EP400: variants seen among roughly 807,000 people sequenced by gnomAD.
EP400 encodes E1A binding protein p400, also known as E1A-binding protein p400.
A neutral mutation model predicts 354.1 loss-of-function variants in EP400; 105 were observed. That is an observed-to-expected ratio of 0.30 (90% CI 0.25 to 0.35). The LOEUF (loss-of-function observed/expected upper bound fraction) is 0.35. EP400 is among the 10% of genes least tolerant of loss of function. The probability of loss-of-function intolerance (pLI) is 1.00; values close to 1 mark genes in which losing one functional copy is unlikely to be tolerated. For synonymous variants in EP400, 1,646 were observed against 1,716.9 expected, an observed-to-expected ratio of 0.96 and a Z score of 1.02; for missense variants, 3,280 against 4,121.0, an observed-to-expected ratio of 0.80 and a Z score of 5.59.
Position 132,018,189 on chromosome 12 carries a change from T to C in EP400, c.4111-21T>C. On this transcript the variant is annotated intron_variant, in intron 20 of 52. Coordinates refer to ENST00000389561, the MANE Select transcript of EP400 (RefSeq NM_015409.5). The surrounding 1 kb of genome is among the most constrained non-coding windows in gnomAD (Gnocchi z 4.0). ...TTTTTGCCTCTTCATGCAGCAAGAC[T>C]TTTTTTCTTTTTCTCTCTAGGAAGC... The C allele has an allele frequency of 6.2e-7, 1 of 1,605,086 alleles. No individual in the cohort carries two copies. The highest frequency in any genetic ancestry group is 8.5e-7 in the Non-Finnish European group (1 of 1,177,924).
chr12:131,977,061 A>G (rs751033905), intron 2 of EP400, among the ~76,000 whole-genome samples: 11 of 152,084 alleles, frequency 7.2e-5, no homozygotes, highest in Non-Finnish European at 1.6e-4. Flanking sequence ...TTCCTGTATC[A>G]CTGGCCTACC....
chr12:131,991,006 G>A (rs1486143859), intron 9 of EP400, among the ~76,000 whole-genome samples: 2 of 152,206 alleles, frequency 1.3e-5, no homozygotes, highest in African/African-American at 4.8e-5. Context: ...TGCCATGCAG[G>A]AGGATCCTTG....
Position 132,021,247 on chromosome 12 carries a change from C to T in EP400, c.4616C>T (p.Pro1539Leu), listed in dbSNP as rs927155720. Residue 1539 changes from proline (P) to leucine (L), a missense_variant, in exon 23 of 53, where the codon CCC becomes CTC. Coordinates refer to ENST00000389561, the MANE Select transcript of EP400 (RefSeq NM_015409.5). ...PGQPPPQPQA[P>L]SHAAGQSALP... ...CAGCCCCCGCCCCAGCCCCAGGCCC[C>T]CTCGCACGCGGCCGGGCAGAGCGCG... 11 of 1,549,634 alleles carry T rather than the reference C, an allele frequency of 7.1e-6. No individual in the cohort carries two copies. The Admixed American group carries it at 7.7e-5, about 11-fold the overall frequency.
intron 30 of EP400, among the ~76,000 whole-genome samples, chr12:132,033,067 C>T (rs911285198): frequency 6.6e-6 from 1 of 152,238 alleles, no homozygotes; most frequent in East Asian, 1.9e-4. Context: ...TCCGCCTCAG[C>T]CCCCCGAGGA....
rs1204473385 is a variant in EP400, at chr12:132,017,444, T to C, written c.3924-91T>C. On this transcript the variant is annotated intron_variant, in intron 19 of 52. Transcript: ENST00000389561. The surrounding 1 kb of genome is among the most constrained non-coding windows in gnomAD (Gnocchi z 5.0). The stretch of plus-strand genomic sequence containing the variant: ...CCTAGAAAATCTGCTCCTGCCTGCC[T>C]TTCTGGAGTTGGGACAGTCGATGGT... The C allele has an allele frequency of 7.0e-7, 1 of 1,423,852 alleles. No homozygotes were observed. Among genetic ancestry groups the C allele is most frequent in the Non-Finnish European group, 9.6e-7 (1 of 1,041,372 alleles). 88.2% of individuals were successfully genotyped at this position (1,423,852 alleles called of 1,614,324 possible).
Position 132,050,187 on chromosome 12 carries a change from A to G in EP400, c.7201-136A>G. On this transcript the variant is annotated intron_variant, in intron 39 of 52. Transcript: ENST00000389561. The surrounding 1 kb of genome is among the most constrained non-coding windows in gnomAD (Gnocchi z 4.8). ...TTGGGTTATGCCTGAACTTGGAAAG[A>G]AGGCCCAGGAAAAGGAAGTTTGTGT... The G allele has an allele frequency of 1.5e-5, 16 of 1,090,640 alleles. No homozygotes were observed. Among genetic ancestry groups the G allele is most frequent in the Non-Finnish European group, 2.1e-5 (16 of 764,566 alleles). The allele number at this position is 1,090,640 out of a possible 1,614,324, so 67.6% of individuals were successfully genotyped here.
chr12:131,990,166 T>G lies in EP400; in HGVS notation c.2550+62T>G. 1 of 1,544,082 alleles carries G rather than the reference T, an allele frequency of 6.5e-7. No individual in the cohort carries two copies. The highest frequency in any genetic ancestry group is 8.7e-7 in the Non-Finnish European group (1 of 1,150,144). On this transcript the variant is annotated intron_variant, in intron 8 of 52. Coordinates refer to ENST00000389561, the MANE Select transcript of EP400 (RefSeq NM_015409.5). This position sits in a 1 kb window ranked among gnomAD's most constrained non-coding sequence, Gnocchi z 4.2. Reference sequence around the variant, plus strand: ...GTCTGTCGGAGCTGGTGAGGCCACTTCCCGAGACCAGAGCTCGGGCACCTT... The same window carrying G: ...GTCTGTCGGAGCTGGTGAGGCCACTGCCCGAGACCAGAGCTCGGGCACCTT...
chr12:132,030,636 T>G (rs1019152841), intron 29 of EP400, among the ~76,000 whole-genome samples: 3 of 152,360 alleles, frequency 2.0e-5, no homozygotes, highest in Middle Eastern at 3.4e-3. Flanking sequence ...ATTTGAACCT[T>G]AATAGTGATG....
At chr12:132,053,069 G>A in intron 41 of EP400, 77 bp from the exon 42 acceptor site, 1 of 1,477,780 alleles carries the variant, frequency 6.8e-7, no homozygotes, top group Non-Finnish European at 9.5e-7. Context: ...CTGGCAGCAT[G>A]GTGTTTCTAG....
chr12:132,039,174 T>A (rs954380872), intron 32 of EP400, among the ~76,000 whole-genome samples: 1 of 152,172 alleles, frequency 6.6e-6, no homozygotes, highest in Non-Finnish European at 1.5e-5. Flanking sequence ...TAAACATTAC[T>A]CAGTTACTGA....
At chr12:132,006,966 T>C in intron 15 of EP400, 89 bp downstream of exon 15, 1 of 1,421,300 alleles carries the variant, frequency 7.0e-7, no homozygotes, top group Non-Finnish European at 9.7e-7. Flanking sequence ...GGGACTTGGC[T>C]ATCTTATCTA....
intron 19 of EP400, among the ~76,000 whole-genome samples, chr12:132,015,744 C>G (rs1893907141): frequency 6.6e-6 from 1 of 152,194 alleles, no homozygotes; most frequent in South Asian, 2.1e-4. Flanking sequence ...CTTTCCGGGC[C>G]TGTGAAATCA....
intron 34 of EP400, 132 bp from the exon 35 acceptor site, chr12:132,044,030 CTGCTGCTTGTGGGGG>C: frequency 8.5e-7 from 1 of 1,179,088 alleles, no homozygotes; most frequent in Non-Finnish European, 1.2e-6. Flanking sequence ...TTGCAGCAGG[CTGCTGCTTGTGGGGG>C]TGATGCATTG....
chr12:132,007,889 T>A (rs574543152), intron 15 of EP400, among the ~76,000 whole-genome samples: 3 of 152,090 alleles, frequency 2.0e-5, no homozygotes, highest in African/African-American at 7.2e-5. Flanking sequence ...GGTGGGGGTC[T>A]CAGTCCAAGT....
Position 131,990,765 on chromosome 12 carries a change from G to A in EP400, c.2629+51G>A, listed in dbSNP as rs544141007. The A allele has an allele frequency of 7.9e-6, 11 of 1,399,156 alleles. No homozygotes were observed. In the Admixed American group the frequency reaches 2.1e-4, roughly 27 times the overall value. 86.7% of individuals were successfully genotyped at this position (1,399,156 alleles called of 1,614,324 possible). ...CCACGCTTGGGTGGTATTTTGTTCG[G>A]ATTCTTTTCTCAGCAGGCAGTCTCC... On this transcript the variant is annotated intron_variant, in intron 9 of 52. Coordinates refer to ENST00000389561, the MANE Select transcript of EP400 (RefSeq NM_015409.5). This position sits in a 1 kb window ranked among gnomAD's most constrained non-coding sequence, Gnocchi z 4.2.
Position 132,013,824 on chromosome 12 carries a change from G to A in EP400, c.3834G>A (p.Lys1278=), listed in dbSNP as rs749497847. 6.2e-7 allele frequency: 1 copy of A among 1,614,244 alleles called. No individual in the cohort carries two copies. The highest frequency in any genetic ancestry group is 1.7e-5 in the Admixed American group (1 of 60,024). ...GGAGAACTAAGAGAGATGTGGAAAA[G>A]CAACTAACAAAGAAATATGAGCATG... is the stretch of plus-strand genomic sequence containing the variant. The part of the protein sequence containing the change: ...ILRRTKRDVE[K]QLTKKYEHVL... Residue 1278 remains lysine (K), a synonymous_variant, in exon 19 of 53, where the codon AAG becomes AAA. Transcript: ENST00000389561. This position sits in a 1 kb window ranked among gnomAD's most constrained non-coding sequence, Gnocchi z 4.5.
At chr12:132,034,360 C>G (rs1350147239) in intron 30 of EP400, among the ~76,000 whole-genome samples, 1 of 152,152 alleles carries the variant, frequency 6.6e-6, no homozygotes, top group Admixed American at 6.5e-5. Context: ...ACTTTGTTCT[C>G]GAGTGGGTAG....
chr12:132,076,320 C>A (rs772877474), intron 51 of EP400, 196 bp from the exon 52 acceptor site: 3 of 681,020 alleles, frequency 4.4e-6, no homozygotes, highest in African/African-American at 1.8e-5. Flanking sequence ...ATTGGGGAGG[C>A]AGTCAGTTGA....
chr12:132,047,184 T>G (rs1895131431), intron 39 of EP400, among the ~76,000 whole-genome samples: 1 of 152,270 alleles, frequency 6.6e-6, no homozygotes, highest in Non-Finnish European at 1.5e-5. Context: ...TTGTTTGTTT[T>G]TTTTGTTAAA....
Sources: allele counts gnomAD v4.1 joint callset (sites outside exome capture counted in the v4.1 genomes callset), GRCh38; gene constraint gnomAD v4.1.1; non-coding constraint Gnocchi (gnomAD v3.1); transcripts MANE v1.5; gene names NCBI Gene and HGNC (gene_info 2026-07-23, HGNC 2026-07-21).